Variants in CPOX observed in about 807,000 individuals in gnomAD.
The protein encoded by CPOX is coproporphyrinogen oxidase.
A neutral mutation model predicts 48.9 loss-of-function variants in CPOX; 24 were observed. The ratio of observed to expected loss-of-function variants is 0.49; its 90% CI spans 0.36 to 0.69. The LOEUF (loss-of-function observed/expected upper bound fraction) is 0.69, where lower values mean the gene tolerates loss of function less well. Among genes scored for constraint, CPOX ranks in the 30% least tolerant of loss-of-function variants. The pLI, the probability that CPOX is intolerant of heterozygous loss-of-function variation, is 0.00. For synonymous variants in CPOX, 249 were observed against 234.6 expected (o/e 1.06, Z -0.56); for missense variants, 549 against 597.3 (o/e 0.92, Z 0.84).
In CPOX at chr3:98,593,317, C is replaced by T; in HGVS notation, c.188G>A (p.Gly63Glu). 1 of 1,435,736 alleles carries T rather than the reference C, an allele frequency of 7.0e-7. No individual in the cohort carries two copies. Among genetic ancestry groups the T allele is most frequent in the Non-Finnish European group, 9.1e-7 (1 of 1,102,926 alleles). The allele number at this position is 1,435,736 out of a possible 1,614,324, so 88.9% of individuals were successfully genotyped here. A position where few individuals can be genotyped will look rare whatever the true frequency, so the allele number is the denominator to read the frequency against. Residue 63 changes from glycine (G) to glutamate (E), a missense_variant, in exon 1 of 7, where the codon GGG (glycine) becomes GAG (glutamate). Around this residue, in one of 2 missense-constraint regions of CPOX, gnomAD observed 336 missense variants for 318.1 expected, o/e 1.06. Coordinates refer to ENST00000647941, the MANE Select transcript of CPOX (RefSeq NM_000097.7). Reference sequence around the variant, plus strand: ...GCCGCCTCTCGACGTCGAGCCGTGCCCCAGCCCGCGGCTCTGCTCCGTGCC... The same window carrying T: ...GCCGCCTCTCGACGTCGAGCCGTGCTCCAGCCCGCGGCTCTGCTCCGTGCC... ...PAGTEQSRGL[G>E]HGSTSRGGPW...
chr3:98,582,790 C>A (rs1707283255), intron 5 of CPOX, among the ~76,000 whole-genome samples: 1 of 152,276 alleles, frequency 6.6e-6, no homozygotes, highest in African/African-American at 2.4e-5. Flanking sequence ...CACGCCCGGC[C>A]CACAATACTT....
rs1707212227 is a variant in CPOX, at chr3:98,579,564, GATA to G, written c.*1116_*1118del. On this transcript the variant is annotated 3_prime_UTR_variant, in exon 7 of 7. Transcript: ENST00000647941. ...ATCACAAACATTCAACGTGTTCCAC[GATA>G]ATGATATGTATGAGATGCTCTTCCT... 2.0e-6 allele frequency: 2 copies of G among 985,230 alleles called. No individual in the cohort carries two copies. Among genetic ancestry groups the G allele is most frequent in the Non-Finnish European group, 1.2e-6 (1 of 829,890 alleles). 61.0% of individuals were successfully genotyped at this position (985,230 alleles called of 1,614,324 possible).
downstream of CPOX, among the ~76,000 whole-genome samples, chr3:98,575,436 G>A (rs914234293): frequency 6.6e-6 from 1 of 152,210 alleles, no homozygotes; most frequent in Non-Finnish European, 1.5e-5. Flanking sequence ...TACACTGATC[G>A]GAAGAGGAAA....
At position 98,592,167 on chromosome 3, in the gene CPOX, A is replaced by G. The variant is rs75558949; in HGVS notation, c.556+782T>C. Among the ~76,000 whole-genome samples, 1,250 of 152,276 alleles carry G rather than the reference A, an allele frequency of 8.2e-3. 20 individuals carry two copies. The highest frequency in any genetic ancestry group is 0.029 in the African/African-American group (1,200 of 41,560). ...GCTTGAAAACATAAGATGGAAAACT[A>G]GACTGAACTTCATTTAATATAGATG... On this transcript the variant is annotated intron_variant, in intron 1 of 6. Coordinates refer to ENST00000647941, the MANE Select transcript of CPOX (RefSeq NM_000097.7).
At chr3:98,579,426 AC>A (rs1465891120), downstream of CPOX, 1 of 680,420 alleles carries the variant, frequency 1.5e-6, no homozygotes, top group Non-Finnish European at 1.8e-6. Context: ...TATCCTGGCA[AC>A]AAAAAATATA....
In CPOX at chr3:98,591,015, C is replaced by G; in HGVS notation, c.697G>C (p.Asp233His). ...RSRGKVLKTK[D>H]GKLPFCAMGV... ...CTATCAAGACTGTCTGATTTACCAT[C>G]TTTAGTCTTCAGAACTTTTCCTCTG... Residue 233 changes from aspartate (D) to histidine (H), a missense_variant, in exon 2 of 7, where the codon GAT becomes CAT. This residue lies in a region of CPOX where 213 missense variants were observed against 279.1 expected (regional missense o/e 0.76). Transcript: ENST00000647941. The G allele has an allele frequency of 6.2e-7, 1 of 1,614,132 alleles. No homozygotes were observed. The highest frequency in any genetic ancestry group is 8.5e-7 in the Non-Finnish European group (1 of 1,179,974).
At chr3:98,585,353 G>A in intron 5 of CPOX, 88 bp downstream of exon 5, 1 of 996,744 alleles carries the variant, frequency 1.0e-6, no homozygotes, top group Non-Finnish European at 1.6e-6. Context: ...CTATTACAAA[G>A]TATCTGACAA....
At chr3:98,583,906 T>C (rs1452211202) in intron 5 of CPOX, among the ~76,000 whole-genome samples, 1 of 152,134 alleles carries the variant, frequency 6.6e-6, no homozygotes, top group South Asian at 2.1e-4. Context: ...GGACCAGAGA[T>C]AAGGGAGGCA....
chr3:98,589,100 G>A lies in CPOX; in HGVS notation c.812-246C>T, dbSNP rs1729977. ...TTTGGGAGGCCCAGGCAGGCAGATC[G>A]CCTGAGGTCAGGAGTTCGAGACCAG... On this transcript the variant is annotated intron_variant, in intron 3 of 6. Coordinates refer to ENST00000647941, the MANE Select transcript of CPOX (RefSeq NM_000097.7). Among the ~76,000 whole-genome samples, 35,273 of 152,030 alleles carry A rather than the reference G, an allele frequency of 0.23. 5,520 individuals carry two copies. The highest frequency in any genetic ancestry group is 0.44 in the African/African-American group (18,374 of 41,424).
the CPOX span, among the ~76,000 whole-genome samples, chr3:98,571,461 G>A: frequency 6.6e-6 from 1 of 151,856 alleles, no homozygotes; most frequent in East Asian, 1.9e-4. Flanking sequence ...GGCCGAGGCG[G>A]GCGGATCACG....
chr3:98,573,016 C>T, the CPOX span, among the ~76,000 whole-genome samples: 2 of 152,102 alleles, frequency 1.3e-5, no homozygotes, highest in East Asian at 3.8e-4. Flanking sequence ...AAATGTTTTC[C>T]TACCTGTCTT....
intron 5 of CPOX, among the ~76,000 whole-genome samples, chr3:98,583,291 C>T (rs1707296003): frequency 6.6e-6 from 1 of 152,020 alleles, no homozygotes; most frequent in African/African-American, 2.4e-5. Flanking sequence ...ATCTGATATT[C>T]TATATATTCT....
In CPOX at chr3:98,593,240, C is replaced by T. The variant is rs1420384920; in HGVS notation, c.265G>A (p.Ala89Thr). The T allele has an allele frequency of 1.3e-6, 2 of 1,536,802 alleles. No homozygotes were observed. The highest frequency in any genetic ancestry group is 1.7e-6 in the Non-Finnish European group (2 of 1,145,148). ...TGCACATGCCCGAAGGCGGCGGTGG[C>T]CAGCCCCACCAACCCCGCCAGCGCC... ...AAALAGLVGL[A>T]TAAFGHVQRA... is the part of the protein sequence containing the mutation. The change falls in exon 1 of 7, where the codon GCC becomes ACC. Residue 89 changes from alanine (A) to threonine (T), a missense_variant. By Grantham distance (58) the Ala-to-Thr change is moderately conservative. Around this residue, in one of 2 missense-constraint regions of CPOX, gnomAD observed 336 missense variants for 318.1 expected, o/e 1.06. Coordinates refer to ENST00000647941, the MANE Select transcript of CPOX (RefSeq NM_000097.7).
intron 6 of CPOX, among the ~76,000 whole-genome samples, chr3:98,581,096 T>G (rs1018423184): frequency 2.6e-5 from 4 of 152,114 alleles, no homozygotes; most frequent in African/African-American, 9.7e-5. Flanking sequence ...GCTTAATACT[T>G]ATGCATACCT....
intron 2 of CPOX, 74 bp from the exon 3 acceptor site, chr3:98,590,816 G>T (rs1707464795): frequency 2.4e-6 from 3 of 1,237,018 alleles, no homozygotes; most frequent in African/African-American, 3.0e-5. Context: ...ACTCTAATAT[G>T]ATTTCCAAGT....
intron 5 of CPOX, among the ~76,000 whole-genome samples, chr3:98,582,498 C>CT (rs1172651014): frequency 0.016 from 2,250 of 144,192 alleles, 37 homozygotes; most frequent in African/African-American, 0.049. Flanking sequence ...TTTTTCTTTT[C>CT]TTTTTTTTTT....
intron 3 of CPOX, 102 bp from the exon 4 acceptor site, chr3:98,588,956 AATGG>A: frequency 3.0e-6 from 4 of 1,333,998 alleles, no homozygotes; most frequent in Non-Finnish European, 4.2e-6. Context: ...TTCAGCATAA[AATGG>A]ATGACAATAA....
chr3:98,591,146 C>T lies in CPOX; in HGVS notation c.566G>A (p.Gly189Asp). The T allele has an allele frequency of 6.2e-7, 1 of 1,613,930 alleles. No homozygotes were observed. The highest frequency in any genetic ancestry group is 8.5e-7 in the Non-Finnish European group (1 of 1,179,834). The change falls in exon 2 of 7, where the codon GGC becomes GAC. Residue 189 changes from glycine (G) to aspartate (D), a missense_variant. Gly to Asp is a moderately conservative substitution (Grantham distance 94, BLOSUM62 -1). This residue lies in a region of CPOX where 336 missense variants were observed against 318.1 expected (regional missense o/e 1.06). Coordinates refer to ENST00000647941, the MANE Select transcript of CPOX (RefSeq NM_000097.7). ...CCCATCTTGAAGTACACAGCTGATG[C>T]CGCCACCTCCTGTGTATAGAAATGT... ...DRWERKEGGG[G>D]ISCVLQDGCV...
chr3:98,587,781 A>G (rs1707394047), intron 4 of CPOX, among the ~76,000 whole-genome samples: 1 of 152,048 alleles, frequency 6.6e-6, no homozygotes, highest in Non-Finnish European at 1.5e-5. Flanking sequence ...TTAACTAGCT[A>G]CCATCCTAGA....
Sources: gnomAD v4.1 joint callset for allele counts (sites outside exome capture counted in the v4.1 genomes callset) on GRCh38, gnomAD v4.1.1 for gene constraint, gnomAD v4.1.1 regional missense constraint, MANE v1.5 for transcripts, NCBI Gene and HGNC (gene_info 2026-07-23, HGNC 2026-07-21) for gene names.